The following ARHGAP5 variants were observed in gnomAD, a reference collection of about 807,000 sequenced individuals.
The protein encoded by ARHGAP5 is Rho GTPase activating protein 5.
Under a neutral mutation model 116.6 loss-of-function variants are expected in ARHGAP5, and 23 were observed. The observed-to-expected ratio is 0.20, with a 90% CI of 0.14 to 0.28. The LOEUF is 0.28. ARHGAP5 is among the 10% of genes least tolerant of loss of function. The pLI is 1.00. For missense variants in ARHGAP5, 1,405 were observed against 1,774.8 expected (o/e 0.79, Z 3.74); for synonymous variants, 574 against 602.0 (o/e 0.95, Z 0.68).
intron 3 of ARHGAP5, among the ~76,000 whole-genome samples, chr14:32,117,912 A>C (rs1171851720): frequency 6.6e-6 from 1 of 151,924 alleles, no homozygotes; most frequent in Non-Finnish European, 1.5e-5. Context: ...ATAGGGACAG[A>C]ATATTGTTGT....
intron 2 of ARHGAP5, among the ~76,000 whole-genome samples, chr14:32,108,126 C>A (rs1020140705): frequency 6.6e-6 from 1 of 151,990 alleles, no homozygotes; most frequent in Non-Finnish European, 1.5e-5. Context: ...TCGTGACAAG[C>A]GGTTTAAGGG....
chr14:32,106,396 G>A (rs1879020761), intron 2 of ARHGAP5, among the ~76,000 whole-genome samples: 1 of 152,212 alleles, frequency 6.6e-6, no homozygotes, highest in Admixed American at 6.5e-5. Context: ...TGGGATTACA[G>A]GCATGAGCCG....
intron 1 of ARHGAP5, among the ~76,000 whole-genome samples, chr14:32,082,696 C>T (rs1430014798): frequency 3.3e-5 from 5 of 152,214 alleles, no homozygotes; most frequent in East Asian, 1.9e-4. Flanking sequence ...CACGCCATCA[C>T]GCCTGGCTAA....
At chr14:32,142,473 C>A (rs1164899065) in intron 3 of ARHGAP5, among the ~76,000 whole-genome samples, 3 of 152,130 alleles carry the variant, frequency 2.0e-5, no homozygotes, top group Non-Finnish European at 2.9e-5. Context: ...GTATTCTTTG[C>A]CATTTGCTGC....
At chr14:32,154,301 C>T in intron 6 of ARHGAP5, 1 of 230,728 alleles carries the variant, frequency 4.3e-6, no homozygotes, top group South Asian at 6.5e-5. Context: ...CAGGCTTTGT[C>T]ACTACGCCTG....
intron 4 of ARHGAP5, among the ~76,000 whole-genome samples, chr14:32,146,707 T>G (rs895045500): frequency 1.3e-5 from 2 of 152,126 alleles, no homozygotes; most frequent in African/African-American, 4.8e-5. Flanking sequence ...AATACAATAT[T>G]GTATAAATTT....
At chr14:32,134,228 T>G (rs1033701907) in intron 3 of ARHGAP5, among the ~76,000 whole-genome samples, 5 of 152,302 alleles carry the variant, frequency 3.3e-5, no homozygotes, top group African/African-American at 1.2e-4. Flanking sequence ...ATGAAAAAAT[T>G]CAAAGCCTTT....
At chr14:32,152,835 G>C (rs1881704593) in intron 6 of ARHGAP5, among the ~76,000 whole-genome samples, 1 of 152,056 alleles carries the variant, frequency 6.6e-6, no homozygotes, top group Admixed American at 6.6e-5. Context: ...AGTTGGAACA[G>C]GGTTTGGTTT....
At chr14:32,089,382 T>C (rs1402368441) in intron 1 of ARHGAP5, among the ~76,000 whole-genome samples, 1 of 151,936 alleles carries the variant, frequency 6.6e-6, no homozygotes, top group Non-Finnish European at 1.5e-5. Context: ...ACTTTTCATA[T>C]GTGCTGATGT....
intron 5 of ARHGAP5, among the ~76,000 whole-genome samples, chr14:32,151,742 C>T (rs529931542): frequency 6.6e-6 from 1 of 152,278 alleles, no homozygotes; most frequent in Non-Finnish European, 1.5e-5. Flanking sequence ...TGTTAAGAGC[C>T]TAACATATTT....
At chr14:32,148,175 T>TATCC (rs1403376682) in intron 4 of ARHGAP5, among the ~76,000 whole-genome samples, 1 of 148,320 alleles carries the variant, frequency 6.7e-6, no homozygotes, top group African/African-American at 2.6e-5. Flanking sequence ...TCTATCTATC[T>TATCC]ATCTATCTAT....
intron 3 of ARHGAP5, among the ~76,000 whole-genome samples, chr14:32,138,129 T>G (rs1477773851): frequency 6.6e-6 from 1 of 152,188 alleles, no homozygotes; most frequent in Non-Finnish European, 1.5e-5. Context: ...TATTTTATTC[T>G]TTAGGATGCT....
chr14:32,139,212 TG>T (rs1880969904), intron 3 of ARHGAP5, among the ~76,000 whole-genome samples: 1 of 152,196 alleles, frequency 6.6e-6, no homozygotes, highest in Non-Finnish European at 1.5e-5. Flanking sequence ...AATCTGGCTA[TG>T]GGGCATTAGG....
chr14:32,081,719 A>C (rs1331510176), intron 1 of ARHGAP5, among the ~76,000 whole-genome samples: 3 of 152,136 alleles, frequency 2.0e-5, no homozygotes, highest in Non-Finnish European at 4.4e-5. Flanking sequence ...TGGTTTGTCA[A>C]ACAGCCTTGG....
At chr14:32,152,616 A>G in intron 6 of ARHGAP5, 88 bp downstream of exon 6, 1 of 691,732 alleles carries the variant, frequency 1.4e-6, no homozygotes, top group Non-Finnish European at 2.4e-6. Context: ...TAATTATCAG[A>G]TAGAAAAGGG....
chr14:32,091,972 A>G lies in ARHGAP5; in HGVS notation c.1303A>G (p.Lys435Glu), dbSNP rs1392896146. Residue 435 changes from lysine to glutamate, a missense_variant, in exon 2 of 7, where the codon AAA (lysine) becomes GAA (glutamate). This residue lies in a region of ARHGAP5 where 944 missense variants were observed against 1,095.3 expected (regional missense o/e 0.86). Coordinates refer to ENST00000345122, the MANE Select transcript of ARHGAP5 (RefSeq NM_001030055.2). ...KRRVEMKEKF[K>E]KTLEKIQFIS... is the part of the protein sequence containing the mutation. ...GAGGGTGGAAATGAAGGAAAAATTC[A>G]AAAAGACTTTGGAAAAAATTCAATT... The G allele has an allele frequency of 5.6e-6, 9 of 1,613,594 alleles. No homozygotes were observed. The highest frequency in any genetic ancestry group is 1.7e-5 in the Admixed American group (1 of 59,972).
chr14:32,096,359 G>C (rs961876786), intron 2 of ARHGAP5, among the ~76,000 whole-genome samples: 1 of 152,194 alleles, frequency 6.6e-6, no homozygotes, highest in East Asian at 1.9e-4. Flanking sequence ...CAGTTGTAAA[G>C]TGGTAGAGTT....
intron 2 of ARHGAP5, among the ~76,000 whole-genome samples, chr14:32,095,037 G>A (rs747946725): frequency 5.3e-5 from 8 of 152,124 alleles, no homozygotes; most frequent in Non-Finnish European, 1.0e-4. Flanking sequence ...ATTTTTCACA[G>A]TGGTATTTTA....
chr14:32,119,763 A>T (rs1879790487), intron 3 of ARHGAP5, among the ~76,000 whole-genome samples: 2 of 152,132 alleles, frequency 1.3e-5, no homozygotes, highest in South Asian at 4.1e-4. Flanking sequence ...TTATCTTACG[A>T]TTGTTTTTTG....
Sources: gnomAD v4.1 joint callset for allele counts (sites outside exome capture counted in the v4.1 genomes callset) on GRCh38, gnomAD v4.1.1 for gene constraint, gnomAD v4.1.1 regional missense constraint, MANE v1.5 for transcripts, NCBI Gene and HGNC (gene_info 2026-07-23, HGNC 2026-07-21) for gene names.